The following GDF2 variants were observed in gnomAD, a reference collection of about 807,000 sequenced individuals.
GDF2 encodes the protein growth/differentiation factor 2.
In GDF2, 17 loss-of-function variants were observed where a neutral mutation model predicts 16.9. The observed-to-expected ratio is 1.00, with a 90% CI of 0.69 to 1.51. The LOEUF (loss-of-function observed/expected upper bound fraction) is 1.51, where lower values mean the gene tolerates loss of function less well. Ranked by LOEUF, GDF2 falls within the 40% of genes most tolerant of loss-of-function variation. The pLI is 0.00. For synonymous variants in GDF2, 276 were observed against 237.6 expected, an observed-to-expected ratio of 1.16 and a Z score of -1.49; for missense variants, 523 against 556.3, an observed-to-expected ratio of 0.94 and a Z score of 0.60.
Position 47,325,647 on chromosome 10 carries a change from C to A in GDF2, c.1153C>A (p.Pro385Thr). The A allele has an allele frequency of 6.2e-7, 1 of 1,613,546 alleles. No individual in the cohort carries two copies. Among genetic ancestry groups the A allele is most frequent in the Non-Finnish European group, 8.5e-7 (1 of 1,179,540 alleles). The change falls in exon 2 of 2, where the codon CCC becomes ACC. Residue 385 changes from proline (P) to threonine (T), a missense_variant. Physicochemically the swap from Pro to Thr is conservative, Grantham distance 38 (BLOSUM62 -1). Transcript: ENST00000581492. ...GCAGACCCTGGTGCATCTCAAGTTC[C>A]CCACAAAGGTGGGCAAGGCCTGCTG... Reference protein sequence around the residue: ...IVQTLVHLKFPTKVGKACCVP... With the variant: ...IVQTLVHLKFTTKVGKACCVP...
In GDF2 at chr10:47,322,709, C is replaced by G. The variant is rs1190807654; in HGVS notation, c.41C>G (p.Ser14Cys). 1 of 1,592,178 alleles carries G rather than the reference C, an allele frequency of 6.3e-7. No individual in the cohort carries two copies. Among genetic ancestry groups the G allele is most frequent in the Admixed American group, 1.7e-5 (1 of 59,010 alleles). The change falls in exon 1 of 2, where the codon TCC (serine) becomes TGC (cysteine). Residue 14 changes from serine to cysteine, a missense_variant. Ser to Cys is a moderately radical substitution (Grantham distance 112, BLOSUM62 -1). Transcript: ENST00000581492. The part of the protein sequence containing the change: ...GALWVALPLL[S>C]LLAGSLQGKP... ...CTGTGGGTGGCCCTGCCCCTGCTGTCCCTGCTGGCTGGCTCCCTACAGGGG... is the reference window on the plus strand; with the variant it reads ...CTGTGGGTGGCCCTGCCCCTGCTGTGCCTGCTGGCTGGCTCCCTACAGGGG...
Position 47,325,047 on chromosome 10 carries a change from G to T in GDF2, c.553G>T (p.Ala185Ser), listed in dbSNP as rs1555208897. 1 of 1,614,118 alleles carries T rather than the reference G, an allele frequency of 6.2e-7. No homozygotes were observed. The highest frequency in any genetic ancestry group is 1.1e-5 in the South Asian group (1 of 91,086). ...GGATGGAACAGATGCCTGGGATAGT[G>T]CTACAGAGACCAAGACCTTCCTGGT... Reference protein sequence around the residue: ...VLDGTDAWDSATETKTFLVSQ... With the variant: ...VLDGTDAWDSSTETKTFLVSQ... Residue 185 changes from alanine to serine, a missense_variant, in exon 2 of 2, where the codon GCT becomes TCT. Ala to Ser is a moderately conservative substitution (Grantham distance 99). Transcript: ENST00000581492.
intron 1 of GDF2, among the ~76,000 whole-genome samples, chr10:47,323,583 A>T (rs956978263): frequency 2.6e-5 from 4 of 152,348 alleles, no homozygotes; most frequent in South Asian, 4.1e-4. Context: ...AGAGAACCTA[A>T]TTGTTTTTAA....
chr10:47,324,081 G>A (rs1668226052), intron 1 of GDF2, among the ~76,000 whole-genome samples: 1 of 152,246 alleles, frequency 6.6e-6, no homozygotes, highest in Non-Finnish European at 1.5e-5. Context: ...CCATTGTATA[G>A]CAGGAGCGTG....
At chr10:47,323,103 A>AAGCTTGAAGAGCCTCCTAT in intron 1 of GDF2, 89 bp downstream of exon 1, 2 of 830,270 alleles carry the variant, frequency 2.4e-6, no homozygotes, top group Non-Finnish European at 3.8e-6. Context: ...TGGCCATAGG[A>AAGCTTGAAGAGCCTCCTAT]GGCTCTTCAA....
chr10:47,323,211 A>G (rs2061091525), intron 1 of GDF2, among the ~76,000 whole-genome samples, 197 bp downstream of exon 1: 1 of 152,220 alleles, frequency 6.6e-6, no homozygotes, highest in South Asian at 2.1e-4. Flanking sequence ...CTTCCCTATC[A>G]GGCAGTGCAG....
In GDF2 at chr10:47,325,627, C is replaced by A. The variant is rs782588006; in HGVS notation, c.1133C>A (p.Thr378Asn). The A allele has an allele frequency of 6.2e-7, 1 of 1,613,964 alleles. No individual in the cohort carries two copies. Among genetic ancestry groups the A allele is most frequent in the Non-Finnish European group, 8.5e-7 (1 of 1,179,862 alleles). The change falls in exon 2 of 2, where the codon ACC becomes AAC. Residue 378 changes from threonine (T) to asparagine (N), a missense_variant. Thr to Asn is a moderately conservative substitution (Grantham distance 65). Transcript: ENST00000581492. Reference sequence around the variant, plus strand: ...CCGACGAAACACGCTATCGTGCAGACCCTGGTGCATCTCAAGTTCCCCACA... The same window carrying A: ...CCGACGAAACACGCTATCGTGCAGAACCTGGTGCATCTCAAGTTCCCCACA... ...VTPTKHAIVQTLVHLKFPTKV... is the reference protein window; with the variant it reads ...VTPTKHAIVQNLVHLKFPTKV...
chr10:47,325,861 G>A lies in GDF2; in HGVS notation c.*77G>A. Reference sequence around the variant, plus strand: ...TCCTGCATGCCCCTGGGCACAACAAGGACTGATTCAATCTGCATGCCAGCC... The same window carrying A: ...TCCTGCATGCCCCTGGGCACAACAAAGACTGATTCAATCTGCATGCCAGCC... On this transcript the variant is annotated 3_prime_UTR_variant, in exon 2 of 2. Transcript: ENST00000581492. 2 of 1,073,932 alleles carry A rather than the reference G, an allele frequency of 1.9e-6. No homozygotes were observed. The highest frequency in any genetic ancestry group is 2.6e-6 in the Non-Finnish European group (2 of 759,848). The allele number at this position is 1,073,932 out of a possible 1,614,324, so 66.5% of individuals were successfully genotyped here.
In GDF2 at chr10:47,322,980, A is replaced by C; in HGVS notation, c.312A>C (p.Pro104=). The part of the protein sequence containing the change: ...NRYTSDKSTT[P]ASNIVRSFSM... ...ACACGTCCGATAAGTCGACTACGCC[A>C]GCGTCCAACATTGTGCGGAGCTTCA... The change falls in exon 1 of 2, where the codon CCA becomes CCC. Residue 104 remains proline (P), a synonymous_variant. Transcript: ENST00000581492. 1 of 1,606,190 alleles carries C rather than the reference A, an allele frequency of 6.2e-7. No individual in the cohort carries two copies.
Position 47,326,786 on chromosome 10 carries a change from C to T in GDF2, c.*1002C>T, listed in dbSNP as rs2061109122. On this transcript the variant is annotated 3_prime_UTR_variant, in exon 2 of 2. Coordinates refer to ENST00000581492, the MANE Select transcript of GDF2 (RefSeq NM_016204.4). ...GAGGGATGGGGCAGCCTGTGGCCAG[C>T]ACCTCTGCAGTTACTCTGCATAGCC... Among the ~76,000 whole-genome samples the T allele has an allele frequency of 6.6e-6, 1 of 152,378 alleles. No individual in the cohort carries two copies. The highest frequency in any genetic ancestry group is 6.5e-5 in the Admixed American group (1 of 15,306).
intron 1 of GDF2, among the ~76,000 whole-genome samples, chr10:47,324,529 C>T (rs781985454): frequency 2.6e-5 from 4 of 152,194 alleles, no homozygotes; most frequent in Non-Finnish European, 4.4e-5. Flanking sequence ...ATAATTAGAT[C>T]CTCCCAGGGT....
At position 47,326,066 on chromosome 10, in the gene GDF2, T is replaced by TC. The variant is rs2061106096; in HGVS notation, c.*283dup. 1 of 345,182 alleles carries TC rather than the reference T, an allele frequency of 2.9e-6. No individual in the cohort carries two copies. Among genetic ancestry groups the TC allele is most frequent in the African/African-American group, 2.1e-5 (1 of 48,346 alleles). 21.4% of individuals were successfully genotyped at this position (345,182 alleles called of 1,614,324 possible). The stretch of plus-strand genomic sequence containing the variant: ...AGACAGGGGGAAAAATAATCCATAG[T>TC]CAGCAGAAAACAACAGCAGTGAGCC... On this transcript the variant is annotated 3_prime_UTR_variant, in exon 2 of 2. Transcript: ENST00000581492.
chr10:47,325,603 C>G lies in GDF2; in HGVS notation c.1109C>G (p.Pro370Arg). 6.2e-7 allele frequency: 1 copy of G among 1,614,120 alleles called. No homozygotes were observed. The change falls in exon 2 of 2, where the codon CCG becomes CGG. Residue 370 changes from proline to arginine, a missense_variant. Transcript: ENST00000581492. ...TTCCCCTTGGCTGACGATGTGACGC[C>G]GACGAAACACGCTATCGTGCAGACC... ...CFFPLADDVT[P>R]TKHAIVQTLV...
At position 47,326,947 on chromosome 10, in the gene GDF2, C is replaced by T. The variant is rs1266843556; in HGVS notation, c.*1163C>T. Among the ~76,000 whole-genome samples, 1 of 152,240 alleles carries T rather than the reference C, an allele frequency of 6.6e-6. No homozygotes were observed. Among genetic ancestry groups the T allele is most frequent in the African/African-American group, 2.4e-5 (1 of 41,464 alleles). On this transcript the variant is annotated 3_prime_UTR_variant, in exon 2 of 2. Transcript: ENST00000581492. ...CATATCTATTTTTATTCCTTGGTGA[C>T]ATGTCCTTAAGTGACAAGACTCCAG...
chr10:47,324,564 T>C (rs1320261852), intron 1 of GDF2, among the ~76,000 whole-genome samples: 5 of 152,244 alleles, frequency 3.3e-5, no homozygotes, highest in Admixed American at 6.5e-5. Context: ...AGGTGAAATG[T>C]ATTCTGCAAA....
At chr10:47,323,121 T>C (rs2061091250) in intron 1 of GDF2, 107 bp downstream of exon 1, 4 of 691,226 alleles carry the variant, frequency 5.8e-6, no homozygotes, top group African/African-American at 3.6e-5. Context: ...CAAGCTTCCA[T>C]TTAAATTAGT....
In GDF2 at chr10:47,322,478, C is replaced by A; in HGVS notation, c.-191C>A. The A allele has an allele frequency of 1.9e-6, 1 of 515,156 alleles. No individual in the cohort carries two copies. The highest frequency in any genetic ancestry group is 4.0e-5 in the South Asian group (1 of 25,108). 31.9% of individuals were successfully genotyped at this position (515,156 alleles called of 1,614,324 possible). A position where few individuals can be genotyped will look rare whatever the true frequency, so the allele number is the denominator to read the frequency against. ...CAGATAAGACGTCGGAGCGCGGCATCGAGGACCAGATAAGCACAAGTGGAG... is the reference window on the plus strand; with the variant it reads ...CAGATAAGACGTCGGAGCGCGGCATAGAGGACCAGATAAGCACAAGTGGAG... On this transcript the variant is annotated 5_prime_UTR_variant, in exon 1 of 2. Coordinates refer to ENST00000581492, the MANE Select transcript of GDF2 (RefSeq NM_016204.4).
At position 47,325,512 on chromosome 10, in the gene GDF2, G is replaced by C; in HGVS notation, c.1018G>C (p.Gly340Arg). The change falls in exon 2 of 2, where the codon GGC becomes CGC. Residue 340 changes from glycine (G) to arginine (R), a missense_variant. Gly to Arg is a moderately radical substitution (Grantham distance 125). Coordinates refer to ENST00000581492, the MANE Select transcript of GDF2 (RefSeq NM_016204.4). ...CCTGCGGGTAAACTTCGAGGACATC[G>C]GCTGGGACAGCTGGATCATTGCACC... ...TSLRVNFEDI[G>R]WDSWIIAPKE... is the part of the protein sequence containing the mutation. 1 of 1,613,880 alleles carries C rather than the reference G, an allele frequency of 6.2e-7. No homozygotes were observed. Among genetic ancestry groups the C allele is most frequent in the East Asian group, 2.2e-5 (1 of 44,872 alleles).
chr10:47,323,057 C>A, intron 1 of GDF2, 43 bp downstream of exon 1: 1 of 1,434,372 alleles, frequency 7.0e-7, no homozygotes, highest in Non-Finnish European at 9.6e-7. Flanking sequence ...GTGGGACTCA[C>A]AGGTCCACAG....
Sources: allele counts gnomAD v4.1 joint callset (sites outside exome capture counted in the v4.1 genomes callset), GRCh38; gene constraint gnomAD v4.1.1; transcripts MANE v1.5; gene names NCBI Gene and HGNC (gene_info 2026-07-23, HGNC 2026-07-21).